COL24A1: variants seen among roughly 807,000 people sequenced by gnomAD.
COL24A1 encodes the protein collagen alpha-1(XXIV) chain.
In COL24A1, 224 loss-of-function variants were observed where a neutral mutation model predicts 253.9. The ratio of observed to expected loss-of-function variants is 0.88; its 90% CI spans 0.79 to 0.99. The LOEUF is 0.99. Ranked by LOEUF, COL24A1 falls within the 50% of genes least tolerant of loss-of-function variation. The pLI, the probability that COL24A1 is intolerant of heterozygous loss-of-function variation, is 0.00. For missense variants in COL24A1, 2,131 were observed against 2,068.5 expected, an observed-to-expected ratio of 1.03 and a Z score of -0.59; for synonymous variants, 685 against 673.7, an observed-to-expected ratio of 1.02 and a Z score of -0.26.
chr1:86,124,881 C>T lies in COL24A1; in HGVS notation c.1455G>A (p.Glu485=). ...YEDLNTMLEM[E]YLRGPKGDTG... is the part of the protein sequence containing the mutation. ...TGTCTCCTTTTGGCCCTCTCAGATA[C>T]TCCATTTCAAGCATTGTATTTAGAT... Residue 485 remains glutamate (E), a synonymous_variant, in exon 3 of 60, where the codon GAG becomes GAA. Transcript: ENST00000370571. The T allele has an allele frequency of 1.3e-6, 2 of 1,592,840 alleles. No individual in the cohort carries two copies. The highest frequency in any genetic ancestry group is 1.7e-6 in the Non-Finnish European group (2 of 1,173,116).
intron 24 of COL24A1, among the ~76,000 whole-genome samples, chr1:85,949,050 T>TAACCG (rs1558767989): frequency 6.6e-6 from 1 of 152,174 alleles, no homozygotes; most frequent in African/African-American, 2.4e-5. Flanking sequence ...TATCGTGACA[T>TAACCG]ATTGGTATCT....
chr1:85,896,327 C>T, intron 29 of COL24A1, 29 bp downstream of exon 29: 2 of 1,590,632 alleles, frequency 1.3e-6, no homozygotes, highest in Non-Finnish European at 1.7e-6. Context: ...AATTTAACTA[C>T]ATATGAAATG....
intron 32 of COL24A1, among the ~76,000 whole-genome samples, chr1:85,886,580 G>A (rs573419433): frequency 5.3e-5 from 8 of 151,752 alleles, no homozygotes; most frequent in Admixed American, 2.6e-4. Context: ...TAGGAGAATC[G>A]CTTGAACCTG....
At chr1:86,001,195 T>C (rs2101052899) in intron 19 of COL24A1, among the ~76,000 whole-genome samples, 1 of 152,308 alleles carries the variant, frequency 6.6e-6, no homozygotes, top group African/African-American at 2.4e-5. Context: ...CTAGAATAAG[T>C]AAAACATTAA....
intron 24 of COL24A1, among the ~76,000 whole-genome samples, chr1:85,958,767 G>A (rs1690730643): frequency 6.6e-6 from 1 of 152,082 alleles, no homozygotes; most frequent in Admixed American, 6.5e-5. Flanking sequence ...GAGAGGACTG[G>A]TAATTATGGT....
chr1:85,983,230 T>A (rs545164021), intron 20 of COL24A1, among the ~76,000 whole-genome samples: 2 of 151,934 alleles, frequency 1.3e-5, no homozygotes, highest in Non-Finnish European at 2.9e-5. Flanking sequence ...TACTGGAGAA[T>A]AGAGAATATT....
chr1:85,933,695 C>T (rs1474416109), intron 24 of COL24A1, among the ~76,000 whole-genome samples: 1 of 152,074 alleles, frequency 6.6e-6, no homozygotes, highest in Non-Finnish European at 1.5e-5. Flanking sequence ...AAGTGAGAAT[C>T]AAGGGCAAAA....
chr1:85,731,225 C>T (rs1471298288), intron 59 of COL24A1, among the ~76,000 whole-genome samples: 1 of 152,086 alleles, frequency 6.6e-6, no homozygotes, highest in Non-Finnish European at 1.5e-5. Flanking sequence ...TACAGTTTCC[C>T]TCTTTCTTCT....
At chr1:86,018,658 A>C (rs567355745) in intron 18 of COL24A1, among the ~76,000 whole-genome samples, 25 of 152,358 alleles carry the variant, frequency 1.6e-4, no homozygotes, top group African/African-American at 5.8e-4. Context: ...TTTGTTTTGT[A>C]AAATTTTGAT....
chr1:86,123,288 T>C (rs1022727604), intron 3 of COL24A1, among the ~76,000 whole-genome samples: 1 of 151,976 alleles, frequency 6.6e-6, no homozygotes, highest in African/African-American at 2.4e-5. Context: ...AAGATCTTAT[T>C]CTGAATAGCT....
intron 10 of COL24A1, among the ~76,000 whole-genome samples, chr1:86,055,497 T>C (rs532722371): frequency 2.4e-4 from 37 of 152,266 alleles, no homozygotes; most frequent in African/African-American, 8.9e-4. Context: ...GCAAAAATGG[T>C]ACATGGAAGA....
chr1:85,734,679 T>A, intron 59 of COL24A1, 70 bp downstream of exon 59: 1 of 1,376,004 alleles, frequency 7.3e-7, no homozygotes, highest in Non-Finnish European at 1.0e-6. Context: ...ACTCTAATTA[T>A]CCTAATTTTA....
chr1:85,809,984 G>A (rs1030759429), intron 47 of COL24A1, among the ~76,000 whole-genome samples: 6 of 151,504 alleles, frequency 4.0e-5, no homozygotes, highest in Non-Finnish European at 7.4e-5. Context: ...CCAAACCCTG[G>A]CAGCCCCATT....
rs1363054607 is a variant in COL24A1, at chr1:85,895,922, C to A, written c.2878-20G>T. On this transcript the variant is annotated intron_variant, in intron 30 of 59. Transcript: ENST00000370571. ...CTTACCCTACATGAGAAAGAAAATTCTTGAGTCAAGTAGTCCCCTCCAAAA... is the reference window on the plus strand; with the variant it reads ...CTTACCCTACATGAGAAAGAAAATTATTGAGTCAAGTAGTCCCCTCCAAAA... 1.9e-6 allele frequency: 3 copies of A among 1,607,004 alleles called. No individual in the cohort carries two copies. Among genetic ancestry groups the A allele is most frequent in the African/African-American group, 2.7e-5 (2 of 74,420 alleles).
chr1:85,890,844 C>T (rs1683047961), intron 31 of COL24A1, among the ~76,000 whole-genome samples: 1 of 152,136 alleles, frequency 6.6e-6, no homozygotes, highest in Non-Finnish European at 1.5e-5. Flanking sequence ...AATAACCATA[C>T]TGGACCTGTA....
intron 47 of COL24A1, among the ~76,000 whole-genome samples, chr1:85,801,607 C>T (rs1480807597): frequency 6.6e-6 from 1 of 152,226 alleles, no homozygotes; most frequent in Non-Finnish European, 1.5e-5. Flanking sequence ...TTGACAGTCT[C>T]TGGGTTTCCC....
chr1:85,799,410 A>G (rs540485483), intron 47 of COL24A1, among the ~76,000 whole-genome samples: 68 of 150,126 alleles, frequency 4.5e-4, no homozygotes, highest in African/African-American at 1.5e-3. Flanking sequence ...AAAAAAACCA[A>G]TGGAAAGATG....
intron 47 of COL24A1, among the ~76,000 whole-genome samples, chr1:85,794,964 G>A (rs1371641748): frequency 6.6e-6 from 1 of 152,140 alleles, no homozygotes; most frequent in Admixed American, 6.5e-5. Flanking sequence ...TGACAGGACT[G>A]AAACCCATGG....
rs190914340 is a variant in COL24A1 at position 85,918,373 on chromosome 1, A to G, written c.2563-6940T>C. Among the ~76,000 whole-genome samples the G allele has an allele frequency of 9.9e-5, 15 of 152,062 alleles. No individual in the cohort carries two copies. The East Asian group carries it at 2.9e-3, about 29-fold the overall frequency. On this transcript the variant is annotated intron_variant, in intron 24 of 59. Transcript: ENST00000370571. The stretch of plus-strand genomic sequence containing the variant: ...ATATATTCAGCACTATTTCTTACCC[A>G]CCTATTGGTTTATGGTGCCATTCTT...
Sources: gnomAD v4.1 joint callset for allele counts (sites outside exome capture counted in the v4.1 genomes callset) on GRCh38, gnomAD v4.1.1 for gene constraint, MANE v1.5 for transcripts, NCBI Gene and HGNC (gene_info 2026-07-23, HGNC 2026-07-21) for gene names.